LAMA2: variants seen among roughly 807,000 people sequenced by gnomAD.
The protein encoded by LAMA2 is laminin subunit alpha-2.
Under a neutral mutation model 364.8 loss-of-function variants are expected in LAMA2, and 269 were observed. The ratio of observed to expected loss-of-function variants is 0.74; its 90% CI spans 0.67 to 0.82. LAMA2 has a LOEUF of 0.82. Ranked by LOEUF, LAMA2 falls within the 40% of genes least tolerant of loss-of-function variation. The probability of loss-of-function intolerance (pLI) is 0.00; values close to 1 mark genes in which losing one functional copy is unlikely to be tolerated. For missense variants in LAMA2, 3,807 were observed against 3,873.2 expected, an observed-to-expected ratio of 0.98 and a Z score of 0.45; for synonymous variants, 1,379 against 1,370.6, an observed-to-expected ratio of 1.01 and a Z score of -0.14.
At chr6:129,244,469 A>G (rs1416617065) in intron 12 of LAMA2, among the ~76,000 whole-genome samples, 2 of 152,080 alleles carry the variant, frequency 1.3e-5, no homozygotes, top group Admixed American at 6.6e-5. Flanking sequence ...GATATGTTTA[A>G]TTTATCCTGC....
intron 45 of LAMA2, among the ~76,000 whole-genome samples, chr6:129,446,549 G>GAGGGGAGGGGAGGGGAGGC (rs1782393400): frequency 1.9e-5 from 1 of 51,642 alleles, no homozygotes; most frequent in Non-Finnish European, 4.1e-5. Context: ...CGAGGGGAGG[G>GAGGGGAGGGGAGGGGAGGC]GAGGGGAGGG....
At chr6:129,461,327 C>T (rs570134750) in intron 49 of LAMA2, among the ~76,000 whole-genome samples, 10 of 151,930 alleles carry the variant, frequency 6.6e-5, no homozygotes, top group Admixed American at 6.6e-5. Flanking sequence ...GAAAGTAGCC[C>T]CAAAATGTTA....
Position 129,353,296 on chromosome 6 carries a change from C to T in LAMA2, c.4656C>T (p.Ala1552=), listed in dbSNP as rs1057524318. The T allele has an allele frequency of 6.2e-7, 1 of 1,614,080 alleles. No homozygotes were observed. Among genetic ancestry groups the T allele is most frequent in the Non-Finnish European group, 8.5e-7 (1 of 1,179,998 alleles). Residue 1552 remains alanine, a synonymous_variant, in exon 32 of 65, where the codon GCC becomes GCT. Transcript: ENST00000421865. The part of the protein sequence containing the change: ...VTGFCTCRPG[A]TGRKCDGCKH... ...GATTCTGCACGTGCCGACCTGGAGC[C>T]ACGGGAAGGAAGTGTGACGGCTGCA...
intron 51 of LAMA2, among the ~76,000 whole-genome samples, chr6:129,469,310 AT>A (rs1783696100): frequency 6.6e-6 from 1 of 151,940 alleles, no homozygotes; most frequent in Admixed American, 6.6e-5. Flanking sequence ...GGATTCAATA[AT>A]AGTCTAGGCA....
At chr6:129,084,686 G>T (rs1195841081) in intron 3 of LAMA2, among the ~76,000 whole-genome samples, 1 of 152,100 alleles carries the variant, frequency 6.6e-6, no homozygotes, top group African/African-American at 2.4e-5. Context: ...ACTACCTGCT[G>T]TTCCTTTTCA....
intron 12 of LAMA2, among the ~76,000 whole-genome samples, chr6:129,227,829 G>T (rs1297510997): frequency 8.4e-4 from 128 of 152,240 alleles, no homozygotes. Context: ...ACTCCATGCT[G>T]GGAGAACCAC....
rs182045799 is a variant in LAMA2 at position 128,982,264 on chromosome 6, A to G, written c.113-67654A>G. On this transcript the variant is annotated intron_variant, in intron 1 of 64. Coordinates refer to ENST00000421865, the MANE Select transcript of LAMA2 (RefSeq NM_000426.4). Reference sequence around the variant, plus strand: ...ACTTTTCTGCCTGTCTTAGAGGCAAACACCAACACAGGTTTGTTGTCAATT... The same window carrying G: ...ACTTTTCTGCCTGTCTTAGAGGCAAGCACCAACACAGGTTTGTTGTCAATT... Among the ~76,000 whole-genome samples, 287 of 152,316 alleles carry G rather than the reference A, an allele frequency of 1.9e-3. 1 individual carries two copies. The highest frequency in any genetic ancestry group is 6.5e-3 in the African/African-American group (269 of 41,572).
chr6:128,950,355 G>A (rs1175157969), intron 1 of LAMA2, among the ~76,000 whole-genome samples: 1 of 152,070 alleles, frequency 6.6e-6, no homozygotes, highest in Non-Finnish European at 1.5e-5. Context: ...GTCTGGAAAG[G>A]GTCATTATTT....
intron 3 of LAMA2, among the ~76,000 whole-genome samples, chr6:129,061,062 G>GA (rs1480091786): frequency 8.5e-5 from 13 of 152,220 alleles, no homozygotes; most frequent in African/African-American, 3.1e-4. Flanking sequence ...AGAATGGCAG[G>GA]GCAAGCTACC....
intron 1 of LAMA2, among the ~76,000 whole-genome samples, chr6:128,884,301 A>C (rs1240790018): frequency 6.6e-6 from 1 of 151,584 alleles, no homozygotes; most frequent in Non-Finnish European, 1.5e-5. Flanking sequence ...TTAAGTTGGA[A>C]AACCTGTATC....
intron 1 of LAMA2, among the ~76,000 whole-genome samples, chr6:128,911,417 C>T (rs1017440837): frequency 4.6e-5 from 7 of 152,290 alleles, no homozygotes; most frequent in Middle Eastern, 3.4e-3. Flanking sequence ...CCGCCCATCA[C>T]CCCTTTCTTT....
intron 1 of LAMA2, among the ~76,000 whole-genome samples, chr6:128,893,042 A>T (rs1174173393): frequency 6.6e-6 from 1 of 151,894 alleles, no homozygotes. Flanking sequence ...GCAAATATTC[A>T]TTTTTTCATT....
At chr6:129,029,797 G>A (rs1348381440) in intron 1 of LAMA2, among the ~76,000 whole-genome samples, 1 of 152,026 alleles carries the variant, frequency 6.6e-6, no homozygotes, top group Non-Finnish European at 1.5e-5. Flanking sequence ...CATTTTGAAA[G>A]CAGTTTTTAG....
rs1378826516 is a variant in LAMA2 at position 129,163,733 on chromosome 6, G to C, written c.1207-1843G>C. The stretch of plus-strand genomic sequence containing the variant: ...ACTTTGGCCTGTAGACCAAATCCTG[G>C]CCTATGGCCAGATGACTACAAAAGT... On this transcript the variant is annotated intron_variant, in intron 8 of 64. Coordinates refer to ENST00000421865, the MANE Select transcript of LAMA2 (RefSeq NM_000426.4). 2.6e-5 allele frequency among the ~76,000 whole-genome samples: 4 copies of C among 152,156 alleles called. No individual in the cohort carries two copies. In the East Asian group the frequency reaches 7.7e-4, roughly 29 times the overall value.
At chr6:129,165,270 C>A (rs1779675588) in intron 8 of LAMA2, among the ~76,000 whole-genome samples, 1 of 148,890 alleles carries the variant, frequency 6.7e-6, no homozygotes. Flanking sequence ...TTTAAGTAAA[C>A]TAGCTTTGTT....
At chr6:128,904,600 G>C (rs527385814) in intron 1 of LAMA2, among the ~76,000 whole-genome samples, 1 of 151,710 alleles carries the variant, frequency 6.6e-6, no homozygotes, top group East Asian at 1.9e-4. Flanking sequence ...GATTACAGGC[G>C]AGCGCCACCA....
chr6:129,424,584 C>T (rs1040118087), intron 40 of LAMA2, among the ~76,000 whole-genome samples: 1 of 151,692 alleles, frequency 6.6e-6, no homozygotes, highest in Non-Finnish European at 1.5e-5. Flanking sequence ...AAACAGGTCA[C>T]CAAAGAAGGT....
intron 1 of LAMA2, among the ~76,000 whole-genome samples, chr6:128,937,878 G>T: frequency 6.7e-6 from 1 of 148,324 alleles, no homozygotes; most frequent in African/African-American, 2.5e-5. Flanking sequence ...AAGTTAAGTT[G>T]TTCATTTTAG....
intron 1 of LAMA2, among the ~76,000 whole-genome samples, chr6:129,037,691 A>C (rs1786744171): frequency 6.9e-6 from 1 of 144,260 alleles, no homozygotes; most frequent in African/African-American, 2.6e-5. Context: ...TTTGAGACGG[A>C]GTCTCGCTCT....
Sources: gnomAD v4.1 joint callset for allele counts (sites outside exome capture counted in the v4.1 genomes callset) on GRCh38, gnomAD v4.1.1 for gene constraint, MANE v1.5 for transcripts, NCBI Gene and HGNC (gene_info 2026-07-23, HGNC 2026-07-21) for gene names.